FARP1: variants seen among roughly 807,000 people sequenced by gnomAD.
The protein encoded by FARP1 is FERM, ARH/RhoGEF and pleckstrin domain protein 1.
FARP1 carries 52 observed loss-of-function variants against 128.8 expected under a neutral mutation model. That is an observed-to-expected ratio of 0.40 (90% CI 0.32 to 0.51). FARP1 has a LOEUF of 0.51. Ranked by LOEUF, FARP1 falls within the 20% of genes least tolerant of loss-of-function variation. The pLI is 0.45. For synonymous variants in FARP1, 580 were observed against 551.8 expected, an observed-to-expected ratio of 1.05 and a Z score of -0.72; for missense variants, 1,333 against 1,367.9, an observed-to-expected ratio of 0.97 and a Z score of 0.40.
rs1226912189 is a variant in FARP1, at chr13:98,174,615, A to G, written c.-24+31123A>G. Among the ~76,000 whole-genome samples, 6 of 152,204 alleles carry G rather than the reference A, an allele frequency of 3.9e-5. No homozygotes were observed. In the South Asian group the frequency reaches 1.0e-3, roughly 26 times the overall value. On this transcript the variant is annotated intron_variant, in intron 1 of 26. Coordinates refer to ENST00000319562, the MANE Select transcript of FARP1 (RefSeq NM_005766.4). ...TGTGTTGTTAGCTTTGGCAAGGACA[A>G]TTCTTAGAGAAAGCTCTATGTGAAA...
At chr13:98,146,602 G>C (rs1875584956) in intron 1 of FARP1, among the ~76,000 whole-genome samples, 1 of 152,234 alleles carries the variant, frequency 6.6e-6, no homozygotes, top group South Asian at 2.1e-4. Flanking sequence ...GCTTATTGCA[G>C]ATAACTGCTT....
intron 2 of FARP1, among the ~76,000 whole-genome samples, chr13:98,267,357 C>T (rs577442947): frequency 2.0e-5 from 3 of 152,276 alleles, no homozygotes; most frequent in South Asian, 2.1e-4. Context: ...CCGGTTGTGT[C>T]GGCCGAGCCC....
At chr13:98,247,994 A>G (rs534300520) in intron 2 of FARP1, among the ~76,000 whole-genome samples, 5 of 152,308 alleles carry the variant, frequency 3.3e-5, no homozygotes, top group Admixed American at 2.6e-4. Flanking sequence ...GACCAGAAAC[A>G]CATCTCTGCC....
intron 3 of FARP1, among the ~76,000 whole-genome samples, chr13:98,363,806 A>G (rs1322865521): frequency 1.3e-5 from 2 of 152,062 alleles, no homozygotes; most frequent in African/African-American, 4.8e-5. Context: ...CAGTGGTGCG[A>G]TCTTGGCTCA....
In FARP1 at chr13:98,417,448, G is replaced by C. The variant is rs1416558476; in HGVS notation, c.1826+5414G>C. Among the ~76,000 whole-genome samples, 15 of 103,514 alleles carry C rather than the reference G, an allele frequency of 1.4e-4. No individual in the cohort carries two copies. In the South Asian group the frequency reaches 5.7e-3, roughly 39 times the overall value. 67.9% of individuals were successfully genotyped at this position (103,514 alleles called of 152,430 possible). On this transcript the variant is annotated intron_variant, in intron 16 of 26. Coordinates refer to ENST00000319562, the MANE Select transcript of FARP1 (RefSeq NM_005766.4). ...CCAGCAAAGGAAACAGAGGCCACCA[G>C]AGGTTTGAAAAAAAAAAAAAAAAAA...
intron 2 of FARP1, among the ~76,000 whole-genome samples, chr13:98,239,079 A>G (rs1435603080): frequency 2.6e-5 from 4 of 152,218 alleles, no homozygotes; most frequent in African/African-American, 9.6e-5. Context: ...GGACTTCCTT[A>G]TGGGTTAATG....
chr13:98,393,927 G>T (rs1205542632), intron 12 of FARP1, among the ~76,000 whole-genome samples: 1 of 152,172 alleles, frequency 6.6e-6, no homozygotes, highest in Non-Finnish European at 1.5e-5. Context: ...GGAGTGTGTT[G>T]TGTTTTCAGC....
chr13:98,343,155 A>G (rs1263316871), intron 2 of FARP1, among the ~76,000 whole-genome samples: 3 of 152,190 alleles, frequency 2.0e-5, no homozygotes, highest in Admixed American at 6.5e-5. Context: ...AAGGCAAACT[A>G]TAGAGACAGT....
At chr13:98,320,919 T>G (rs1289428962) in intron 2 of FARP1, among the ~76,000 whole-genome samples, 1 of 152,180 alleles carries the variant, frequency 6.6e-6, no homozygotes, top group Non-Finnish European at 1.5e-5. Flanking sequence ...AATGTAAAAC[T>G]GGAGCTGTTG....
rs77795929 is a variant in FARP1 at position 98,275,175 on chromosome 13, C to A, written c.171+61762C>A. Among the ~76,000 whole-genome samples the A allele has an allele frequency of 8.4e-3, 1,277 of 152,102 alleles. 20 individuals are homozygous for A. The highest frequency in any genetic ancestry group is 0.029 in the African/African-American group (1,218 of 41,478). ...TATGTGATTCTGTAATAAGTTAATG[C>A]CTTAACTTAAACTCTAATGTTACAG... On this transcript the variant is annotated intron_variant, in intron 2 of 26. Coordinates refer to ENST00000319562, the MANE Select transcript of FARP1 (RefSeq NM_005766.4).
chr13:98,206,998 T>A (rs1880311476), intron 1 of FARP1, among the ~76,000 whole-genome samples: 1 of 152,226 alleles, frequency 6.6e-6, no homozygotes, highest in African/African-American at 2.4e-5. Context: ...GATTTGTTTA[T>A]CTGGAAGACG....
At chr13:98,224,245 C>T (rs754711623) in intron 2 of FARP1, among the ~76,000 whole-genome samples, 33 of 151,904 alleles carry the variant, frequency 2.2e-4, no homozygotes, top group African/African-American at 3.6e-4. Context: ...TAGGCAGTTA[C>T]GGCCAGGCGT....
chr13:98,265,979 G>A (rs775064073), intron 2 of FARP1, among the ~76,000 whole-genome samples: 1 of 152,156 alleles, frequency 6.6e-6, no homozygotes, highest in Non-Finnish European at 1.5e-5. Context: ...TTTCCCAAGG[G>A]TGATGTAGAT....
intron 2 of FARP1, among the ~76,000 whole-genome samples, chr13:98,263,971 G>T (rs1883991850): frequency 6.6e-6 from 1 of 152,060 alleles, no homozygotes; most frequent in African/African-American, 2.4e-5. Flanking sequence ...TAATTTACTG[G>T]TGGCCTTGCA....
intron 2 of FARP1, among the ~76,000 whole-genome samples, chr13:98,295,354 T>C (rs1001079890): frequency 4.6e-5 from 7 of 152,160 alleles, no homozygotes; most frequent in African/African-American, 1.7e-4. Context: ...GAGACTCGCG[T>C]GTCCTCAGTG....
At chr13:98,231,165 G>A (rs1882090715) in intron 2 of FARP1, among the ~76,000 whole-genome samples, 2 of 152,090 alleles carry the variant, frequency 1.3e-5, no homozygotes, top group African/African-American at 4.8e-5. Flanking sequence ...ATATCAGCAG[G>A]GAATGGTTTA....
Position 98,198,479 on chromosome 13 carries a change from C to G in FARP1, c.-23-14741C>G, listed in dbSNP as rs189265947. Among the ~76,000 whole-genome samples the G allele has an allele frequency of 8.2e-4, 125 of 152,236 alleles. 1 individual carries two copies. The highest frequency in any genetic ancestry group is 2.9e-3 in the African/African-American group (120 of 41,536). On this transcript the variant is annotated intron_variant, in intron 1 of 26. Coordinates refer to ENST00000319562, the MANE Select transcript of FARP1 (RefSeq NM_005766.4). ...CAGGCGCGGTGGCTCATACTGTAAT[C>G]CCGGTACTTTGGGAGGCTGAGGTGG...
chr13:98,416,918 T>C (rs1411037949), intron 16 of FARP1, among the ~76,000 whole-genome samples: 3 of 152,156 alleles, frequency 2.0e-5, no homozygotes, highest in African/African-American at 7.2e-5. Flanking sequence ...GCAGTTTTCA[T>C]GGAGGATCAG....
chr13:98,355,694 G>T (rs6491422), intron 3 of FARP1, among the ~76,000 whole-genome samples: 100,988 of 152,048 alleles, frequency 0.66, 34,470 homozygotes, highest in Non-Finnish European at 0.77. Context: ...AAAATTTTCC[G>T]TATTTGAATT....
Sources: allele counts gnomAD v4.1 joint callset (sites outside exome capture counted in the v4.1 genomes callset), GRCh38; gene constraint gnomAD v4.1.1; transcripts MANE v1.5; gene names NCBI Gene and HGNC (gene_info 2026-07-23, HGNC 2026-07-21).